The following CTIF variants were observed in gnomAD, a reference collection of about 807,000 sequenced individuals.
CTIF encodes the protein CBP80/20-dependent translation initiation factor.
A neutral mutation model predicts 66.0 loss-of-function variants in CTIF; 21 were observed. That is an observed-to-expected ratio of 0.32 (90% confidence interval 0.23 to 0.46). The LOEUF is 0.46. Among genes scored for constraint, CTIF ranks in the 20% least tolerant of loss-of-function variants. CTIF has a pLI of 1.00. For synonymous variants in CTIF, 345 were observed against 326.4 expected (o/e 1.06, Z -0.62); for missense variants, 739 against 812.7 (o/e 0.91, Z 1.10).
At chr18:48,854,807 C>A (rs1474275185) in intron 10 of CTIF, among the ~76,000 whole-genome samples, 1 of 152,104 alleles carries the variant, frequency 6.6e-6, no homozygotes, top group Non-Finnish European at 1.5e-5. Context: ...CCTGTGGTCC[C>A]ATCTACGCAG....
At chr18:48,582,422 G>C (rs1490251431) in intron 1 of CTIF, among the ~76,000 whole-genome samples, 2 of 152,140 alleles carry the variant, frequency 1.3e-5, no homozygotes, top group Non-Finnish European at 2.9e-5. Flanking sequence ...GAGGTGCCTG[G>C]GAATGGGGTT....
At chr18:48,680,348 G>A (rs2091718932) in intron 6 of CTIF, among the ~76,000 whole-genome samples, 2 of 152,262 alleles carry the variant, frequency 1.3e-5, no homozygotes, top group Non-Finnish European at 2.9e-5. Context: ...GGGACAGGGA[G>A]CTGGGACAGT....
chr18:48,602,207 G>T (rs2090102820), intron 1 of CTIF, among the ~76,000 whole-genome samples: 1 of 152,188 alleles, frequency 6.6e-6, no homozygotes, highest in African/African-American at 2.4e-5. Context: ...CTACAAAAGG[G>T]TCTCATCATG....
intron 9 of CTIF, among the ~76,000 whole-genome samples, chr18:48,796,210 G>A (rs973365257): frequency 8.8e-5 from 13 of 147,724 alleles, no homozygotes; most frequent in African/African-American, 3.2e-4. Flanking sequence ...GTCTCACTCT[G>A]TCGCCCAGGC....
At chr18:48,747,779 A>G (rs999698192) in intron 7 of CTIF, among the ~76,000 whole-genome samples, 2 of 151,284 alleles carry the variant, frequency 1.3e-5, no homozygotes, top group Non-Finnish European at 1.5e-5. Flanking sequence ...TTAGCCAGTC[A>G]TGATGTCACG....
chr18:48,775,224 A>T (rs1182929157), intron 9 of CTIF, among the ~76,000 whole-genome samples: 1 of 152,212 alleles, frequency 6.6e-6, no homozygotes, highest in African/African-American at 2.4e-5. Flanking sequence ...CATAATACCC[A>T]TCTCCTCCTC....
At chr18:48,718,190 C>CTT (rs2092299616) in intron 7 of CTIF, among the ~76,000 whole-genome samples, 1 of 152,240 alleles carries the variant, frequency 6.6e-6, no homozygotes, top group Non-Finnish European at 1.5e-5. Context: ...TCCAAACCAT[C>CTT]TGTTTGGCAA....
intron 6 of CTIF, among the ~76,000 whole-genome samples, chr18:48,675,707 C>T (rs11663682): frequency 0.055 from 8,393 of 152,208 alleles, 300 homozygotes; most frequent in African/African-American, 0.11. Flanking sequence ...CCAGAGGGCC[C>T]GCCCCTCCCT....
chr18:48,683,631 A>G lies in CTIF; in HGVS notation c.507+12887A>G, dbSNP rs9963535. On this transcript the variant is annotated intron_variant, in intron 6 of 11. Coordinates refer to ENST00000256413, the MANE Select transcript of CTIF (RefSeq NM_014772.3). Reference sequence around the variant, plus strand: ...TGTTCCTTTTGGCACCCCACCCCCAAAGGGTTCAGGAGGAAGCTCTGCCTC... The same window carrying G: ...TGTTCCTTTTGGCACCCCACCCCCAGAGGGTTCAGGAGGAAGCTCTGCCTC... 8.0e-3 allele frequency among the ~76,000 whole-genome samples: 1,220 copies of G among 151,970 alleles called. 9 individuals are homozygous for G. The highest frequency in any genetic ancestry group is 0.027 in the African/African-American group (1,121 of 41,492).
intron 2 of CTIF, among the ~76,000 whole-genome samples, chr18:48,635,518 G>T (rs1358674401): frequency 6.6e-6 from 1 of 151,820 alleles, no homozygotes; most frequent in Non-Finnish European, 1.5e-5. Context: ...GTAGGGACAA[G>T]GTGTCTCTAT....
chr18:48,612,544 C>T (rs574593701), intron 1 of CTIF, among the ~76,000 whole-genome samples: 84 of 152,336 alleles, frequency 5.5e-4, no homozygotes, highest in African/African-American at 2.0e-3. Context: ...GGAGAGCAAC[C>T]TGGGAGCACA....
chr18:48,664,430 C>T lies in CTIF; in HGVS notation c.327-17C>T, dbSNP rs1054000215. The T allele has an allele frequency of 9.3e-6, 15 of 1,607,398 alleles. No individual in the cohort carries two copies. The highest frequency in any genetic ancestry group is 1.3e-5 in the Non-Finnish European group (15 of 1,174,770). ...TTGCCCTCTTGCCTCCGTTTCTCAC[C>T]CTCCCTCGCCCTCTAGTGGTGCCAC... On this transcript the variant is annotated splice_polypyrimidine_tract_variant and intron_variant, in intron 4 of 11. Transcript: ENST00000256413.
chr18:48,777,325 G>T (rs1910784846), intron 9 of CTIF, among the ~76,000 whole-genome samples: 1 of 152,206 alleles, frequency 6.6e-6, no homozygotes, highest in Admixed American at 6.5e-5. Context: ...CCTGGGGGCT[G>T]TCCCACAGGG....
chr18:48,541,338 G>A (rs1256737374), intron 1 of CTIF, among the ~76,000 whole-genome samples: 1 of 152,162 alleles, frequency 6.6e-6, no homozygotes, highest in Non-Finnish European at 1.5e-5. Flanking sequence ...CGGCTCGGCC[G>A]CGGCTAGAGC....
chr18:48,600,720 G>C (rs1365116947), intron 1 of CTIF, among the ~76,000 whole-genome samples: 3 of 152,160 alleles, frequency 2.0e-5, no homozygotes, highest in Non-Finnish European at 4.4e-5. Context: ...AGACTGGAAT[G>C]CTGGGGTTTT....
At chr18:48,779,621 A>G (rs1213793791) in intron 9 of CTIF, among the ~76,000 whole-genome samples, 7 of 152,232 alleles carry the variant, frequency 4.6e-5, no homozygotes, top group Admixed American at 3.9e-4. Context: ...TCTTATGACC[A>G]AAAGAATTGA....
intron 9 of CTIF, among the ~76,000 whole-genome samples, chr18:48,768,602 T>G (rs1397848125): frequency 6.6e-6 from 1 of 152,126 alleles, no homozygotes; most frequent in Non-Finnish European, 1.5e-5. Context: ...GCTCAAAAAC[T>G]TGGGAAAATC....
At chr18:48,804,300 G>T (rs2068101101) in intron 9 of CTIF, among the ~76,000 whole-genome samples, 1 of 152,214 alleles carries the variant, frequency 6.6e-6, no homozygotes, top group Non-Finnish European at 1.5e-5. Flanking sequence ...CTCCAGACAA[G>T]ATGTGCAGCC....
intron 3 of CTIF, among the ~76,000 whole-genome samples, chr18:48,653,259 C>T (rs2091189169): frequency 1.3e-5 from 2 of 152,326 alleles, no homozygotes; most frequent in South Asian, 4.1e-4. Context: ...TCTCCTTAAG[C>T]TGATAAGGAA....
Sources: allele counts gnomAD v4.1 joint callset (sites outside exome capture counted in the v4.1 genomes callset), GRCh38; gene constraint gnomAD v4.1.1; transcripts MANE v1.5; gene names NCBI Gene and HGNC (gene_info 2026-07-23, HGNC 2026-07-21).